The following ENG variants were observed in gnomAD, a reference collection of about 807,000 sequenced individuals.
ENG encodes the protein endoglin.
Under a neutral mutation model 71.0 loss-of-function variants are expected in ENG, and 17 were observed. That is an observed-to-expected ratio of 0.24 (90% CI 0.16 to 0.36). ENG has a LOEUF of 0.36. Ranked by LOEUF, ENG falls within the 10% of genes least tolerant of loss-of-function variation. The pLI, the probability that ENG is intolerant of heterozygous loss-of-function variation, is 1.00. For missense variants in ENG, 749 were observed against 868.3 expected (o/e 0.86, Z 1.73); for synonymous variants, 360 against 366.9 (o/e 0.98, Z 0.21).
At chr9:127,824,676 G>C in intron 7 of ENG, 124 bp downstream of exon 7, 1 of 1,222,278 alleles carries the variant, frequency 8.2e-7, no homozygotes. Flanking sequence ...GTGCAGATGA[G>C]AAAAATGAGG....
intron 12 of ENG, chr9:127,817,445 G>C (rs1588574166): frequency 8.5e-6 from 5 of 590,492 alleles, no homozygotes; most frequent in Non-Finnish European, 1.5e-5. Flanking sequence ...TGATGCCCAG[G>C]AGCACTGTGG....
intron 2 of ENG, among the ~76,000 whole-genome samples, chr9:127,832,945 T>C (rs1176859653): frequency 3.3e-5 from 5 of 152,048 alleles, no homozygotes; most frequent in Non-Finnish European, 7.4e-5. Context: ...TTAGTAAAGA[T>C]GGGGTTTCGC....
At chr9:127,854,183 TCTG>T in intron 1 of ENG, 103 bp downstream of exon 1, 2 of 1,213,362 alleles carry the variant, frequency 1.6e-6, no homozygotes, top group Non-Finnish European at 2.4e-6. Context: ...CAAGGATGGC[TCTG>T]CTGGGCGTGA....
Position 127,846,017 on chromosome 9 carries a change from T to G in ENG, c.68-2772A>C, listed in dbSNP as rs10819312. ...GCCACCATGAGTGAGCCAGCATGCC[T>G]GGCCGGCAGCTTTCTCTTAATTACA... On this transcript the variant is annotated intron_variant, in intron 1 of 14. Coordinates refer to ENST00000373203, the MANE Select transcript of ENG (RefSeq NM_001114753.3). This position sits in a 1 kb window ranked among gnomAD's most constrained non-coding sequence, Gnocchi z 5.5. 0.16 allele frequency among the ~76,000 whole-genome samples: 23,755 copies of G among 152,246 alleles called. 2,243 individuals are homozygous for G. Among genetic ancestry groups the G allele is most frequent in the African/African-American group, 0.26 (11,000 of 41,520 alleles).
rs908625102 is a variant in ENG at position 127,826,768 on chromosome 9, A to G, written c.361-96T>C. 30 of 1,502,382 alleles carry G rather than the reference A, an allele frequency of 2.0e-5. No individual in the cohort carries two copies. In the African/African-American group the frequency reaches 2.5e-4, roughly 12 times the overall value. The allele number at this position is 1,502,382 out of a possible 1,614,324, so 93.1% of individuals were successfully genotyped here. On this transcript the variant is annotated intron_variant, in intron 3 of 14. Transcript: ENST00000373203. ...AGGAAGTAATTTGTGGAGTCAGCCC[A>G]TTGGCTGAGAGAAAGAGGCCGGAGC...
chr9:127,827,961 G>C (rs1830663852), intron 3 of ENG, among the ~76,000 whole-genome samples: 2 of 148,056 alleles, frequency 1.4e-5, no homozygotes, highest in Admixed American at 1.4e-4. Context: ...GAAGGTTGCA[G>C]TGAGGCGAGA....
At chr9:127,841,600 G>A (rs1435062140) in intron 2 of ENG, among the ~76,000 whole-genome samples, 1 of 152,216 alleles carries the variant, frequency 6.6e-6, no homozygotes, top group Non-Finnish European at 1.5e-5. Flanking sequence ...AGGGCGGTGG[G>A]GAGCAGGGTC....
intron 3 of ENG, 71 bp downstream of exon 3, chr9:127,829,616 C>T: frequency 6.3e-7 from 1 of 1,599,502 alleles, no homozygotes; most frequent in East Asian, 2.2e-5. Context: ...GAGACCCTGA[C>T]CCACAGAGAT....
intron 2 of ENG, chr9:127,832,726 T>G (rs965801899): frequency 6.6e-6 from 1 of 152,256 alleles, no homozygotes; most frequent in Non-Finnish European, 1.5e-5. Context: ...ACAATTGTTT[T>G]TTTCATTTTA....
chr9:127,816,113 T>A (rs1830307085), intron 13 of ENG, 60 bp from the exon 14 acceptor site: 4 of 1,572,776 alleles, frequency 2.5e-6, no homozygotes, highest in Non-Finnish European at 3.5e-6. Flanking sequence ...CCCTACCCTG[T>A]TGTGCTGGCC....
chr9:127,819,724 A>G (rs1158473959), intron 9 of ENG, 64 bp from the exon 10 acceptor site: 2 of 1,585,648 alleles, frequency 1.3e-6, no homozygotes, highest in Middle Eastern at 1.7e-4. Context: ...ATCCCACCCA[A>G]TACGCCCATT....
chr9:127,852,679 C>T (rs1829058547), intron 1 of ENG, among the ~76,000 whole-genome samples: 1 of 152,136 alleles, frequency 6.6e-6, no homozygotes, highest in Non-Finnish European at 1.5e-5. Flanking sequence ...TGATCTGCGC[C>T]TGCAGAGACT....
chr9:127,825,013 C>A, intron 6 of ENG, 39 bp from the exon 7 acceptor site: 2 of 1,604,794 alleles, frequency 1.2e-6, no homozygotes, highest in South Asian at 2.2e-5. Flanking sequence ...GGGCCATGGA[C>A]ACAGTCTGTG....
chr9:127,817,186 G>A lies in ENG; in HGVS notation c.1704C>T (p.Val568=), dbSNP rs1830344643. The part of the protein sequence containing the change: ...GSQDQEVHRT[V]FMRLNIISPD... ...GGCTGATGATGTTCAAGCGCATGAAGACAGTCCTATGGACTTCCTGGAGGA... is the reference window on the plus strand; with the variant it reads ...GGCTGATGATGTTCAAGCGCATGAAAACAGTCCTATGGACTTCCTGGAGGA... The change falls in exon 13 of 15, where the codon GTC becomes GTT. Residue 568 remains valine, a synonymous_variant. Coordinates refer to ENST00000373203, the MANE Select transcript of ENG (RefSeq NM_001114753.3). 1.9e-6 allele frequency: 3 copies of A among 1,614,218 alleles called. No individual in the cohort carries two copies. The highest frequency in any genetic ancestry group is 2.5e-6 in the Non-Finnish European group (3 of 1,180,044).
Position 127,843,262 on chromosome 9 carries a change from C to T in ENG, c.68-17G>A, listed in dbSNP as rs570198729. ...CTGCAAGACCTGTTGGAGAAACATCCGGAAAGAGGCCAGGTGAGAATAAGG... is the reference window on the plus strand; with the variant it reads ...CTGCAAGACCTGTTGGAGAAACATCTGGAAAGAGGCCAGGTGAGAATAAGG... On this transcript the variant is annotated splice_polypyrimidine_tract_variant and intron_variant, in intron 1 of 14. Transcript: ENST00000373203. The T allele has an allele frequency of 5.6e-6, 9 of 1,614,060 alleles. No homozygotes were observed. The highest frequency in any genetic ancestry group is 2.2e-5 in the South Asian group (2 of 91,072).
Position 127,854,379 on chromosome 9 carries a change from G to C in ENG, c.-24C>G, listed in dbSNP as rs769883395. The C allele has an allele frequency of 6.4e-7, 1 of 1,570,548 alleles. No homozygotes were observed. Among genetic ancestry groups the C allele is most frequent in the African/African-American group, 1.4e-5 (1 of 73,878 alleles). ...ATGCTGTCCACGTGGGGGCCTGTGCGCTGGGCCTTATCCTGTGTCCAGTGG... is the reference window on the plus strand; with the variant it reads ...ATGCTGTCCACGTGGGGGCCTGTGCCCTGGGCCTTATCCTGTGTCCAGTGG... On this transcript the variant is annotated 5_prime_UTR_variant, in exon 1 of 15. Transcript: ENST00000373203.
intron 2 of ENG, among the ~76,000 whole-genome samples, chr9:127,831,940 T>TTACTC (rs1830776185): frequency 1.3e-5 from 2 of 151,812 alleles, no homozygotes; most frequent in Non-Finnish European, 2.9e-5. Flanking sequence ...AGACAGGGTC[T>TTACTC]TACTCTCTTT....
chr9:127,818,297 G>A lies in ENG; in HGVS notation c.1509C>T (p.Thr503=), dbSNP rs777756221. The change falls in exon 12 of 15, where the codon ACC becomes ACT. Residue 503 remains threonine, a synonymous_variant. Coordinates refer to ENST00000373203, the MANE Select transcript of ENG (RefSeq NM_001114753.3). Reference sequence around the variant, plus strand: ...CCGCCCGGCCCTGGATGAGTTCCACGGTGCCTCCCTCAGGCCCCAAGTCCA... The same window carrying A: ...CCGCCCGGCCCTGGATGAGTTCCACAGTGCCTCCCTCAGGCCCCAAGTCCA... The part of the protein sequence containing the change: ...CHLDLGPEGG[T]VELIQGRAAK... 1.1e-5 allele frequency: 17 copies of A among 1,613,924 alleles called. No individual in the cohort carries two copies. The highest frequency in any genetic ancestry group is 1.3e-5 in the African/African-American group (1 of 74,898).
chr9:127,851,782 G>A (rs1325378943), intron 1 of ENG, among the ~76,000 whole-genome samples: 1 of 152,070 alleles, frequency 6.6e-6, no homozygotes, highest in Non-Finnish European at 1.5e-5. Flanking sequence ...AGAGGATGAG[G>A]CAGGAGAACT....
Sources: allele counts gnomAD v4.1 joint callset (sites outside exome capture counted in the v4.1 genomes callset), GRCh38; gene constraint gnomAD v4.1.1; non-coding constraint Gnocchi (gnomAD v3.1); transcripts MANE v1.5; gene names NCBI Gene and HGNC (gene_info 2026-07-23, HGNC 2026-07-21).